Variants in HCLS1 observed in about 807,000 individuals in gnomAD.
HCLS1 encodes the protein hematopoietic lineage cell-specific protein.
Under a neutral mutation model 68.6 loss-of-function variants are expected in HCLS1, and 44 were observed. That is an observed-to-expected ratio of 0.64 (90% CI 0.50 to 0.82). The LOEUF is 0.82. HCLS1 is among the 40% of genes least tolerant of loss of function. The pLI is 0.00. For synonymous variants in HCLS1, 217 were observed against 225.8 expected (o/e 0.96, Z 0.35); for missense variants, 602 against 612.1 (o/e 0.98, Z 0.17).
At chr3:121,642,768 C>T (rs547206159) in intron 6 of HCLS1, among the ~76,000 whole-genome samples, 159 bp downstream of exon 6, 1 of 152,038 alleles carries the variant, frequency 6.6e-6, no homozygotes, top group African/African-American at 2.4e-5. Flanking sequence ...AGTGCAAGAC[C>T]CTGTCTCAAA....
chr3:121,647,426 C>G lies in HCLS1; in HGVS notation c.181G>C (p.Val61Leu). 1.2e-6 allele frequency: 2 copies of G among 1,614,118 alleles called. No individual in the cohort carries two copies. Among genetic ancestry groups the G allele is most frequent in the Non-Finnish European group, 1.7e-6 (2 of 1,180,012 alleles). The change falls in exon 4 of 14, where the codon GTA becomes CTA. Residue 61 changes from valine (V) to leucine (L), a missense_variant. Transcript: ENST00000314583. ...HINIHQLRNK[V>L]SEEHDVLRKK... The stretch of plus-strand genomic sequence containing the variant: ...CTGAGAACATCATGCTCCTCTGATA[C>G]TTTGTTCCTCAGCTGGTGGATGCTG...
rs1576461586 is a variant in HCLS1 at position 121,636,330 on chromosome 3, G to T, written c.621+104C>A. 14 of 934,938 alleles carry T rather than the reference G, an allele frequency of 1.5e-5. No individual in the cohort carries two copies. In the East Asian group the frequency reaches 2.9e-4, roughly 19 times the overall value. The allele number at this position is 934,938 out of a possible 1,614,324, so 57.9% of individuals were successfully genotyped here. ...CAGCAGGACAGGCTCTGTGTGCCCA[G>T]CACCACCGTCCCCTCCCTCTCCCAG... On this transcript the variant is annotated intron_variant, in intron 8 of 13. Coordinates refer to ENST00000314583, the MANE Select transcript of HCLS1 (RefSeq NM_005335.6).
chr3:121,651,057 C>T (rs904224516), intron 3 of HCLS1, among the ~76,000 whole-genome samples: 1 of 152,316 alleles, frequency 6.6e-6, no homozygotes. Context: ...ATCGCTTGAA[C>T]CCAGGAGGCA....
At chr3:121,660,149 A>G (rs1160977548) in intron 1 of HCLS1, among the ~76,000 whole-genome samples, 1 of 152,234 alleles carries the variant, frequency 6.6e-6, no homozygotes, top group Non-Finnish European at 1.5e-5. Flanking sequence ...GGGCATCAAC[A>G]GAGTAGGTAC....
chr3:121,640,146 A>G (rs1471807369), intron 6 of HCLS1, among the ~76,000 whole-genome samples: 1 of 152,176 alleles, frequency 6.6e-6, no homozygotes, highest in African/African-American at 2.4e-5. Flanking sequence ...TTATGCCAAT[A>G]AACCTGACAA....
chr3:121,638,762 C>T (rs1407339078), intron 6 of HCLS1, among the ~76,000 whole-genome samples: 2 of 152,048 alleles, frequency 1.3e-5, no homozygotes, highest in African/African-American at 2.4e-5. Context: ...GATCTCAAGA[C>T]AAAGTGCATT....
intron 3 of HCLS1, chr3:121,655,328 C>T (rs144663219): frequency 1.3e-5 from 2 of 152,234 alleles, no homozygotes; most frequent in African/African-American, 4.8e-5. Flanking sequence ...GGAAACAAAA[C>T]TAACATCACT....
intron 6 of HCLS1, among the ~76,000 whole-genome samples, chr3:121,637,508 C>G (rs1471665600): frequency 1.3e-5 from 2 of 152,008 alleles, no homozygotes; most frequent in Non-Finnish European, 2.9e-5. Context: ...CTCCCTTCTT[C>G]TTCAAGAAGG....
At chr3:121,641,380 T>C (rs55964830) in intron 6 of HCLS1, among the ~76,000 whole-genome samples, 14,522 of 152,208 alleles carry the variant, frequency 0.095, 927 homozygotes, top group Non-Finnish European at 0.14. Flanking sequence ...CATAGACTCA[T>C]TGAAAGAATT....
chr3:121,659,082 C>T (rs777969839), intron 1 of HCLS1, among the ~76,000 whole-genome samples: 5 of 151,942 alleles, frequency 3.3e-5, no homozygotes, highest in East Asian at 1.9e-4. Context: ...GACAATTTAC[C>T]GTAGAAAAGA....
Position 121,631,410 on chromosome 3 carries a change from C to T in HCLS1, c.*436G>A, listed in dbSNP as rs1260482936. 6.1e-6 allele frequency: 1 copy of T among 164,224 alleles called. No homozygotes were observed. The highest frequency in any genetic ancestry group is 2.4e-5 in the African/African-American group (1 of 41,582). 10.2% of individuals were successfully genotyped at this position (164,224 alleles called of 1,614,324 possible). Reference sequence around the variant, plus strand: ...TATTTACCTCAGCATACAGGTGAACCATAGTCTCACTTTATTTCGAATTTT... The same window carrying T: ...TATTTACCTCAGCATACAGGTGAACTATAGTCTCACTTTATTTCGAATTTT... On this transcript the variant is annotated 3_prime_UTR_variant, in exon 14 of 14. Transcript: ENST00000314583.
At chr3:121,635,655 A>C in intron 9 of HCLS1, 80 bp downstream of exon 9, 1 of 1,086,144 alleles carries the variant, frequency 9.2e-7, no homozygotes, top group African/African-American at 1.5e-5. Flanking sequence ...AGTTAAAGGC[A>C]TGGAGGATAT....
chr3:121,648,844 C>T (rs965682905), intron 3 of HCLS1, among the ~76,000 whole-genome samples: 8 of 152,118 alleles, frequency 5.3e-5, no homozygotes, highest in South Asian at 2.1e-4. Context: ...TCTCTGGCAG[C>T]GTTGAAAGCA....
intron 3 of HCLS1, chr3:121,656,910 T>C (rs1937886003): frequency 5.6e-6 from 1 of 178,456 alleles, no homozygotes; most frequent in Admixed American, 5.9e-5. Flanking sequence ...AGATAGGAGA[T>C]AGATGATTGC....
At chr3:121,645,761 G>C (rs867309213) in intron 4 of HCLS1, among the ~76,000 whole-genome samples, 50 of 151,158 alleles carry the variant, frequency 3.3e-4, no homozygotes, top group Middle Eastern at 3.5e-3. Context: ...TTTAACTCAT[G>C]AACCAATGAA....
At chr3:121,640,840 GGC>G (rs1382941493) in intron 6 of HCLS1, among the ~76,000 whole-genome samples, 6 of 83,376 alleles carry the variant, frequency 7.2e-5, no homozygotes, top group East Asian at 6.8e-4. Context: ...GGGACGGGAG[GGC>G]AGGGCAGGGC....
In HCLS1 at chr3:121,634,385, A is replaced by C; in HGVS notation, c.725T>G (p.Phe242Cys). Residue 242 changes from phenylalanine to cysteine, a missense_variant, in exon 10 of 14, where the codon TTT becomes TGT. Coordinates refer to ENST00000314583, the MANE Select transcript of HCLS1 (RefSeq NM_005335.6). ...SSGTRGLKAKFESMAEEKRKR... is the reference protein window; with the variant it reads ...SSGTRGLKAKCESMAEEKRKR... ...CCTCTTCTCCTCAGCCATGGACTCA[A>C]ATTTCGCCTTCAGCCCACGGGTACC... 1 of 1,614,132 alleles carries C rather than the reference A, an allele frequency of 6.2e-7. No individual in the cohort carries two copies. Among genetic ancestry groups the C allele is most frequent in the Non-Finnish European group, 8.5e-7 (1 of 1,180,016 alleles).
At chr3:121,645,325 G>A (rs992398386) in intron 4 of HCLS1, among the ~76,000 whole-genome samples, 2 of 152,130 alleles carry the variant, frequency 1.3e-5, no homozygotes, top group Non-Finnish European at 2.9e-5. Flanking sequence ...CCATAGCCGG[G>A]ATGGAATATT....
At chr3:121,657,435 C>T (rs1447287618) in intron 2 of HCLS1, 83 bp from the exon 3 acceptor site, 4 of 1,217,144 alleles carry the variant, frequency 3.3e-6, no homozygotes, top group Non-Finnish European at 4.8e-6. Context: ...ACATGCCCTC[C>T]ATGTCCCCTG....
Sources: gnomAD v4.1 joint callset for allele counts (sites outside exome capture counted in the v4.1 genomes callset) on GRCh38, gnomAD v4.1.1 for gene constraint, MANE v1.5 for transcripts, NCBI Gene and HGNC (gene_info 2026-07-23, HGNC 2026-07-21) for gene names.